Variants in NEMF observed in about 807,000 individuals in gnomAD.
NEMF encodes the protein ribosome quality control complex subunit NEMF.
In NEMF, 89 loss-of-function variants were observed where a neutral mutation model predicts 162.2. The observed-to-expected ratio is 0.55, with a 90% CI of 0.46 to 0.65. The LOEUF (loss-of-function observed/expected upper bound fraction) is 0.65. Among genes scored for constraint, NEMF ranks in the 30% least tolerant of loss-of-function variants. NEMF has a pLI of 0.00. For missense variants in NEMF, 1,133 were observed against 1,261.9 expected (o/e 0.90, Z 1.55); for synonymous variants, 421 against 404.5 (o/e 1.04, Z -0.49).
At chr14:49,817,731 CAA>C (rs569906858) in intron 16 of NEMF, among the ~76,000 whole-genome samples, 2 of 152,124 alleles carry the variant, frequency 1.3e-5, no homozygotes, top group Admixed American at 6.5e-5. Flanking sequence ...AAACTTTAGA[CAA>C]AGTCTTTAAA....
intron 19 of NEMF, among the ~76,000 whole-genome samples, chr14:49,804,081 T>C (rs533455940): frequency 2.0e-5 from 3 of 151,444 alleles, no homozygotes; most frequent in Middle Eastern, 3.4e-3. Flanking sequence ...CTTGGCTCAC[T>C]GCAATCTCCA....
chr14:49,824,447 G>A (rs752678330), intron 16 of NEMF, among the ~76,000 whole-genome samples: 1 of 146,514 alleles, frequency 6.8e-6, no homozygotes, highest in African/African-American at 2.5e-5. Flanking sequence ...AGAGGCTGAG[G>A]CATGAGAATC....
chr14:49,817,279 A>G (rs1363594827), intron 16 of NEMF, among the ~76,000 whole-genome samples: 1 of 152,032 alleles, frequency 6.6e-6, no homozygotes, highest in Non-Finnish European at 1.5e-5. Context: ...CTCATCTCTA[A>G]TAAAAATAGA....
chr14:49,844,727 G>GCA lies in NEMF; in HGVS notation c.357+1411_357+1412dup, dbSNP rs377431499. 900 of 146,544 alleles carry GCA rather than the reference G, an allele frequency of 6.1e-3. 14 individuals carry two copies. The highest frequency in any genetic ancestry group is 0.022 in the African/African-American group (798 of 35,892). 9.1% of individuals were successfully genotyped at this position (146,544 alleles called of 1,614,324 possible). ...TATTTATATACATACACACGCACGC[G>GCA]CACGCGCGCGCACACACACACACAC... On this transcript the variant is annotated intron_variant, in intron 4 of 32. Coordinates refer to ENST00000298310, the MANE Select transcript of NEMF (RefSeq NM_004713.6).
In NEMF at chr14:49,829,078, G is replaced by A; in HGVS notation, c.1208C>T (p.Thr403Ile). The change falls in exon 13 of 33, where the codon ACA becomes ATA. Residue 403 changes from threonine to isoleucine, a missense_variant. By Grantham distance (89) the Thr-to-Ile change is moderately conservative (BLOSUM62 -1). This residue lies in a region of NEMF where 582 missense variants were observed against 631.5 expected (regional missense o/e 0.92). Coordinates refer to ENST00000298310, the MANE Select transcript of NEMF (RefSeq NM_004713.6). ...CCTTAGCAGCATTGTAACATGGTTT[G>A]TTTGTAGTTTTAATTCTTTGATTGC... ...ASAIKELKLQ[T>I]NHVTMLLRNP... 1 of 1,614,084 alleles carries A rather than the reference G, an allele frequency of 6.2e-7. No homozygotes were observed. The highest frequency in any genetic ancestry group is 8.5e-7 in the Non-Finnish European group (1 of 1,179,958).
intron 23 of NEMF, 72 bp from the exon 24 acceptor site, chr14:49,799,750 C>G: frequency 4.7e-6 from 6 of 1,266,192 alleles, no homozygotes; most frequent in Non-Finnish European, 5.6e-6. Context: ...CCAAAACATT[C>G]CCATATCATA....
chr14:49,806,161 T>G, intron 18 of NEMF, 28 bp from the exon 19 acceptor site: 1 of 1,534,398 alleles, frequency 6.5e-7, no homozygotes, highest in Non-Finnish European at 8.9e-7. Context: ...AATGTTTCAA[T>G]ACCAAAGTAT....
intron 26 of NEMF, among the ~76,000 whole-genome samples, chr14:49,789,798 C>T (rs531289968): frequency 1.3e-5 from 2 of 152,158 alleles, no homozygotes; most frequent in Admixed American, 6.5e-5. Flanking sequence ...AGTAAGAATA[C>T]ATTAACAAAA....
intron 4 of NEMF, chr14:49,845,852 G>A: frequency 4.4e-6 from 2 of 456,968 alleles, no homozygotes; most frequent in Admixed American, 7.7e-5. Context: ...TTTTCTGGTT[G>A]CATATTAGTC....
chr14:49,851,384 G>A lies in NEMF; in HGVS notation c.231+179C>T, dbSNP rs574837541. On this transcript the variant is annotated intron_variant, in intron 3 of 32. Transcript: ENST00000298310. ...ATCTGGAGCAGAACAGGATGTGAAA[G>A]GTAATGGGGAGAAATCAATTAATAA... is the stretch of plus-strand genomic sequence containing the variant. Among the ~76,000 whole-genome samples, 8 of 152,272 alleles carry A rather than the reference G, an allele frequency of 5.3e-5. No individual in the cohort carries two copies. The South Asian group carries it at 6.2e-4, about 12-fold the overall frequency.
intron 26 of NEMF, among the ~76,000 whole-genome samples, chr14:49,792,771 G>C (rs537356112): frequency 6.6e-6 from 1 of 152,220 alleles, no homozygotes; most frequent in Admixed American, 6.5e-5. Context: ...CTTGAGCCTA[G>C]GAGTTAGACC....
At chr14:49,823,569 A>C (rs1473701954) in intron 16 of NEMF, among the ~76,000 whole-genome samples, 1 of 152,140 alleles carries the variant, frequency 6.6e-6, no homozygotes, top group Non-Finnish European at 1.5e-5. Flanking sequence ...AAAACGATAG[A>C]CTTGAAAATA....
In NEMF at chr14:49,782,618, T is replaced by C; in HGVS notation, c.*2018A>G. The C allele has an allele frequency of 6.4e-7, 1 of 1,560,926 alleles. No homozygotes were observed. The highest frequency in any genetic ancestry group is 8.7e-7 in the Non-Finnish European group (1 of 1,144,168). On this transcript the variant is annotated 3_prime_UTR_variant, in exon 33 of 33. Transcript: ENST00000298310. ...CGGTAAGTAACTTTGTACTTGGCACTTAGATTATTTAAAATTGTGTTTCCT... is the reference window on the plus strand; with the variant it reads ...CGGTAAGTAACTTTGTACTTGGCACCTAGATTATTTAAAATTGTGTTTCCT...
Position 49,800,486 on chromosome 14 carries a change from T to C in NEMF, c.2306A>G (p.Asp769Gly). The C allele has an allele frequency of 6.2e-7, 1 of 1,613,764 alleles. No homozygotes were observed. The highest frequency in any genetic ancestry group is 8.5e-7 in the Non-Finnish European group (1 of 1,179,668). ...ATAATTTAATGTCTCTTCCCCTTCA[T>C]CCTTCATTTCACCAACAGAATCCTG... ...KDQDSVGEMKDEGEETLNYPD... is the reference protein window; with the variant it reads ...KDQDSVGEMKGEGEETLNYPD... The change falls in exon 23 of 33, where the codon GAT (aspartate) becomes GGT (glycine). Residue 769 changes from aspartate (D) to glycine (G), a missense_variant. Physicochemically the swap from Asp to Gly is moderately conservative, Grantham distance 94 (BLOSUM62 -1). This residue lies in a region of NEMF where 532 missense variants were observed against 578.6 expected (regional missense o/e 0.92). Transcript: ENST00000298310.
intron 11 of NEMF, among the ~76,000 whole-genome samples, chr14:49,829,813 T>C (rs1356926518): frequency 2.0e-5 from 3 of 152,202 alleles, no homozygotes; most frequent in Non-Finnish European, 4.4e-5. Context: ...CCCGCTATGT[T>C]GCCCAGGCTG....
Position 49,828,808 on chromosome 14 carries a change from C to A in NEMF, c.1233-1G>T, listed in dbSNP as rs750082649. On this transcript the variant is annotated splice_acceptor_variant, in intron 13 of 32. Transcript: ENST00000298310. LOFTEE classifies it high-confidence loss of function. ...CTCCTCTGATAACAAGTATGGATTT[C>A]TATTAAAAATATTCAATAGCATTTC... 6.6e-7 allele frequency: 1 copy of A among 1,521,208 alleles called. No individual in the cohort carries two copies. The highest frequency in any genetic ancestry group is 1.3e-5 in the South Asian group (1 of 78,784). 94.2% of individuals were successfully genotyped at this position (1,521,208 alleles called of 1,614,324 possible).
intron 26 of NEMF, among the ~76,000 whole-genome samples, chr14:49,790,051 G>A (rs537530637): frequency 4.6e-5 from 7 of 152,254 alleles, no homozygotes; most frequent in African/African-American, 1.4e-4. Flanking sequence ...CACTCTAGGG[G>A]TTTTAAACTA....
chr14:49,849,262 A>G (rs1594815001), intron 3 of NEMF, among the ~76,000 whole-genome samples: 1 of 152,246 alleles, frequency 6.6e-6, no homozygotes, highest in Non-Finnish European at 1.5e-5. Context: ...GACAAAAGGC[A>G]TCATTGAAAG....
chr14:49,824,167 C>T (rs905480599), intron 16 of NEMF, among the ~76,000 whole-genome samples: 4 of 149,624 alleles, frequency 2.7e-5, no homozygotes, highest in African/African-American at 9.8e-5. Flanking sequence ...GAGACTCTGT[C>T]TCAAAAAAAA....
Sources: gnomAD v4.1 joint callset for allele counts (sites outside exome capture counted in the v4.1 genomes callset) on GRCh38, gnomAD v4.1.1 for gene constraint, gnomAD v4.1.1 regional missense constraint, MANE v1.5 for transcripts, NCBI Gene and HGNC (gene_info 2026-07-23, HGNC 2026-07-21) for gene names.